Variants in ANO1 observed in about 807,000 individuals in gnomAD.
ANO1 encodes the protein anoctamin 1.
A neutral mutation model predicts 124.0 loss-of-function variants in ANO1; 59 were observed. The observed-to-expected ratio is 0.48, with a 90% CI of 0.39 to 0.59. The LOEUF (loss-of-function observed/expected upper bound fraction) is 0.59. Ranked by LOEUF, ANO1 falls within the 20% of genes least tolerant of loss-of-function variation. ANO1 has a pLI of 0.00. For missense variants in ANO1, 1,059 were observed against 1,328.0 expected, an observed-to-expected ratio of 0.80 and a Z score of 3.15; for synonymous variants, 529 against 532.0, an observed-to-expected ratio of 0.99 and a Z score of 0.08.
chr11:70,124,810 A>T (rs1352558151), intron 9 of ANO1, among the ~76,000 whole-genome samples: 4 of 152,226 alleles, frequency 2.6e-5, no homozygotes, highest in Non-Finnish European at 4.4e-5. Flanking sequence ...GGGGCCGACC[A>T]GGTTAGGCAA....
chr11:69,973,272 C>A, the ANO1 span, among the ~76,000 whole-genome samples: 4 of 152,152 alleles, frequency 2.6e-5, no homozygotes, highest in African/African-American at 4.8e-5. Flanking sequence ...CGTGATCTGG[C>A]ATGATATATT....
chr11:70,148,783 TG>T (rs1241248296), intron 11 of ANO1, among the ~76,000 whole-genome samples: 1 of 152,196 alleles, frequency 6.6e-6, no homozygotes, highest in African/African-American at 2.4e-5. Context: ...CTCTGGGAAC[TG>T]GGGGCCCAGG....
chr11:69,977,176 C>G, the ANO1 span, among the ~76,000 whole-genome samples: 1 of 152,174 alleles, frequency 6.6e-6, no homozygotes, highest in Non-Finnish European at 1.5e-5. Flanking sequence ...GTGTAGCCCC[C>G]CAGGTGTCAC....
intron 2 of ANO1, 120 bp from the exon 3 acceptor site, chr11:70,102,946 G>A (rs913196109): frequency 6.0e-6 from 4 of 670,780 alleles, no homozygotes; most frequent in African/African-American, 1.8e-5. Flanking sequence ...ATGAGGCCGC[G>A]GTAAAAGCAG....
the ANO1 span, among the ~76,000 whole-genome samples, chr11:69,975,505 C>A: frequency 6.6e-6 from 1 of 152,240 alleles, no homozygotes; most frequent in African/African-American, 2.4e-5. Flanking sequence ...GGGAGCTGAG[C>A]AAGCCCCTGA....
chr11:70,160,445 G>A (rs181415668), intron 16 of ANO1, among the ~76,000 whole-genome samples: 1 of 152,270 alleles, frequency 6.6e-6, no homozygotes, highest in East Asian at 1.9e-4. Flanking sequence ...CTCCCACCAC[G>A]GTTTCTCAGG....
At chr11:70,042,952 G>A (rs1857206061) in intron 1 of ANO1, among the ~76,000 whole-genome samples, 1 of 152,016 alleles carries the variant, frequency 6.6e-6, no homozygotes, top group Non-Finnish European at 1.5e-5. Flanking sequence ...TTAATGTCTG[G>A]CATTTAATAA....
the ANO1 span, among the ~76,000 whole-genome samples, chr11:69,967,813 G>A: frequency 6.6e-6 from 1 of 152,208 alleles, no homozygotes; most frequent in Non-Finnish European, 1.5e-5. Flanking sequence ...ATTGAAAAGA[G>A]GGGCTGAGAA....
intron 1 of ANO1, among the ~76,000 whole-genome samples, chr11:69,998,897 G>A (rs969051474): frequency 6.6e-5 from 10 of 152,182 alleles, no homozygotes; most frequent in Middle Eastern, 3.4e-3. Context: ...GCAGTGAGCC[G>A]AGATAGCACC....
intron 11 of ANO1, among the ~76,000 whole-genome samples, chr11:70,147,091 A>T (rs891621891): frequency 2.0e-5 from 3 of 152,208 alleles, no homozygotes; most frequent in Admixed American, 2.0e-4. Flanking sequence ...AAACAGGCCA[A>T]CTCTGCAGGT....
intron 1 of ANO1, among the ~76,000 whole-genome samples, chr11:70,003,213 C>A (rs1554999614): frequency 6.6e-6 from 1 of 152,186 alleles, no homozygotes; most frequent in African/African-American, 2.4e-5. Flanking sequence ...CAATAGGCAA[C>A]TTACCACCAA....
chr11:70,085,565 G>A, intron 1 of ANO1: 1 of 1,536,008 alleles, frequency 6.5e-7, no homozygotes, highest in Non-Finnish European at 8.7e-7. Context: ...GTTTCCAGGA[G>A]AGGCATCCTA....
At chr11:70,178,586 CAG>C (rs2048818716) in intron 22 of ANO1, among the ~76,000 whole-genome samples, 1 of 146,598 alleles carries the variant, frequency 6.8e-6, no homozygotes, top group African/African-American at 2.5e-5. Flanking sequence ...TTTTTTGAGA[CAG>C]AACCTTTCTC....
chr11:70,108,533 A>G, intron 6 of ANO1, 129 bp downstream of exon 6: 1 of 1,009,628 alleles, frequency 9.9e-7, no homozygotes. Flanking sequence ...AGCCTGTGTA[A>G]CAGTTCCAGA....
Position 70,149,771 on chromosome 11 carries a change from C to T in ANO1, c.1320C>T (p.Leu440=). 2 of 1,613,812 alleles carry T rather than the reference C, an allele frequency of 1.2e-6. No individual in the cohort carries two copies. ...TGCGACTCAACTACCGCTGGGACCT[C>T]ACGGGCTTTGAAGAGGAAGAGGTCA... is the stretch of plus-strand genomic sequence containing the variant. ...KQMRLNYRWD[L]TGFEEEEEAV... is the part of the protein sequence containing the mutation. The change falls in exon 12 of 26, where the codon CTC becomes CTT. Residue 440 remains leucine, a synonymous_variant. Coordinates refer to ENST00000355303, the MANE Select transcript of ANO1 (RefSeq NM_018043.7).
At chr11:70,117,607 G>A (rs1003459225) in intron 8 of ANO1, among the ~76,000 whole-genome samples, 5 of 151,948 alleles carry the variant, frequency 3.3e-5, no homozygotes, top group Admixed American at 1.3e-4. Context: ...AGGTCTCCAC[G>A]TCAGCCTCTG....
At chr11:70,127,997 C>CT (rs1236934409) in intron 10 of ANO1, among the ~76,000 whole-genome samples, 2 of 152,216 alleles carry the variant, frequency 1.3e-5, no homozygotes, top group African/African-American at 4.8e-5. Flanking sequence ...CCAAGTATCT[C>CT]TAAAGCAGAG....
intron 22 of ANO1, among the ~76,000 whole-genome samples, chr11:70,174,351 G>A (rs900745529): frequency 1.3e-5 from 2 of 151,280 alleles, no homozygotes; most frequent in Admixed American, 6.6e-5. Context: ...AGCCGAGATC[G>A]CACCACTGCA....
At chr11:70,184,378 G>A (rs1430626420) in intron 24 of ANO1, among the ~76,000 whole-genome samples, 2 of 152,150 alleles carry the variant, frequency 1.3e-5, no homozygotes, top group Non-Finnish European at 2.9e-5. Context: ...GTCATGAATG[G>A]GGCAAGCCTC....
Sources: gnomAD v4.1 joint callset for allele counts (sites outside exome capture counted in the v4.1 genomes callset) on GRCh38, gnomAD v4.1.1 for gene constraint, MANE v1.5 for transcripts, NCBI Gene and HGNC (gene_info 2026-07-23, HGNC 2026-07-21) for gene names.